Variants in PREX2 observed in about 807,000 individuals in gnomAD.
PREX2 encodes the protein phosphatidylinositol-3,4,5-trisphosphate dependent Rac exchange factor 2, also known as phosphatidylinositol 3,4,5-trisphosphate-dependent Rac exchanger 2 protein.
Under a neutral mutation model 203.2 loss-of-function variants are expected in PREX2, and 107 were observed. The ratio of observed to expected loss-of-function variants is 0.53; its 90% confidence interval spans 0.45 to 0.62. The LOEUF (loss-of-function observed/expected upper bound fraction) is 0.62. Among genes scored for constraint, PREX2 ranks in the 20% least tolerant of loss-of-function variants. PREX2 has a pLI of 0.00. For synonymous variants in PREX2, 672 were observed against 663.6 expected (o/e 1.01, Z -0.19); for missense variants, 1,777 against 1,955.9 (o/e 0.91, Z 1.72).
intron 37 of PREX2, among the ~76,000 whole-genome samples, chr8:68,200,431 A>C (rs1812478261): frequency 6.6e-6 from 1 of 152,050 alleles, no homozygotes; most frequent in African/African-American, 2.4e-5. Flanking sequence ...TAAACATTAA[A>C]ATTTATTCTA....
In PREX2 at chr8:68,083,301, G is replaced by C. The variant is rs1219558321; in HGVS notation, c.1940G>C (p.Arg647Thr). 6.2e-7 allele frequency: 1 copy of C among 1,610,344 alleles called. No individual in the cohort carries two copies. The highest frequency in any genetic ancestry group is 1.7e-5 in the Admixed American group (1 of 59,976). The change falls in exon 18 of 40, where the codon AGA (arginine) becomes ACA (threonine). Residue 647 changes from arginine to threonine, a missense_variant. Physicochemically the swap from Arg to Thr is moderately conservative, Grantham distance 71 (BLOSUM62 -1). Coordinates refer to ENST00000288368, the MANE Select transcript of PREX2 (RefSeq NM_024870.4). ...ATTAATGGTGACCTAGTTTTTATGA[G>C]ACCTTTCAATGAAGTGGATTGCTTC... ...FAINGDLVFM[R>T]PFNEVDCFLK...
At chr8:68,075,709 A>G (rs1408020770) in intron 14 of PREX2, among the ~76,000 whole-genome samples, 2 of 152,230 alleles carry the variant, frequency 1.3e-5, no homozygotes, top group African/African-American at 2.4e-5. Flanking sequence ...TGTAGAAAAA[A>G]TAAGTATCTT....
chr8:68,061,629 A>G (rs1030638346), intron 11 of PREX2, among the ~76,000 whole-genome samples: 1 of 152,124 alleles, frequency 6.6e-6, no homozygotes, highest in African/African-American at 2.4e-5. Flanking sequence ...GAATGAAGAG[A>G]GAGATTAAAG....
At chr8:68,214,268 T>C (rs1812793571) in intron 37 of PREX2, among the ~76,000 whole-genome samples, 1 of 152,044 alleles carries the variant, frequency 6.6e-6, no homozygotes, top group Non-Finnish European at 1.5e-5. Context: ...CATGTGGTGG[T>C]GTATTCCTGT....
intron 34 of PREX2, among the ~76,000 whole-genome samples, chr8:68,150,112 G>A (rs1473704748): frequency 1.3e-5 from 2 of 152,172 alleles, no homozygotes; most frequent in African/African-American, 2.4e-5. Flanking sequence ...CAGCAGCCGG[G>A]CAATGAGCCC....
intron 37 of PREX2, among the ~76,000 whole-genome samples, chr8:68,202,310 A>G (rs1334748908): frequency 6.6e-6 from 1 of 152,140 alleles, no homozygotes; most frequent in Non-Finnish European, 1.5e-5. Context: ...TGGGTGGTCA[A>G]GTGAGAGCGA....
intron 14 of PREX2, 52 bp from the exon 15 acceptor site, chr8:68,077,345 C>T: frequency 1.5e-6 from 2 of 1,315,620 alleles, no homozygotes; most frequent in Non-Finnish European, 2.2e-6. Flanking sequence ...GCAAAGCTGC[C>T]ACAAAGCCTT....
intron 17 of PREX2, among the ~76,000 whole-genome samples, chr8:68,081,465 C>T (rs951966856): frequency 6.6e-6 from 1 of 152,112 alleles, no homozygotes; most frequent in Non-Finnish European, 1.5e-5. Flanking sequence ...CCAAGTGGCT[C>T]ATTCTTTGTC....
At chr8:68,018,007 G>T (rs988610128) in intron 2 of PREX2, 90 bp downstream of exon 2, 1 of 885,088 alleles carries the variant, frequency 1.1e-6, no homozygotes, top group Non-Finnish European at 1.9e-6. Flanking sequence ...CCCTTCAGTT[G>T]ATCGGCAGTT....
chr8:68,192,981 T>G (rs944935960), intron 37 of PREX2, among the ~76,000 whole-genome samples: 6 of 152,150 alleles, frequency 3.9e-5, no homozygotes. Flanking sequence ...CTGGTGAAAT[T>G]ATGGTCCAGG....
At chr8:68,105,288 G>A (rs745764180) in intron 23 of PREX2, 2 of 1,367,628 alleles carry the variant, frequency 1.5e-6, no homozygotes, top group Admixed American at 1.9e-5. Flanking sequence ...AATATCCCAG[G>A]ATGGAAGACA....
rs2129612800 is a variant in PREX2 at position 68,108,288 on chromosome 8, G to A, written c.2895G>A (p.Arg965=). ...CATTTGGTGTTCAGTTGGATAGCAG[G>A]AAGCATAATTCTCATGATAAAGAAA... The part of the protein sequence containing the change: ...GSAFGVQLDS[R]KHNSHDKENK... Residue 965 remains arginine (R), a synonymous_variant, in exon 24 of 40, where the codon AGG becomes AGA. Transcript: ENST00000288368. 6.2e-7 allele frequency: 1 copy of A among 1,613,896 alleles called. No homozygotes were observed. Among genetic ancestry groups the A allele is most frequent in the Non-Finnish European group, 8.5e-7 (1 of 1,179,860 alleles).
chr8:68,188,693 C>A (rs1022711183), intron 35 of PREX2, among the ~76,000 whole-genome samples: 1 of 152,138 alleles, frequency 6.6e-6, no homozygotes, highest in African/African-American at 2.4e-5. Context: ...GGGGAACTCT[C>A]ATATACAAAA....
Position 68,236,763 on chromosome 8 carries a change from T to C in PREX2, c.*5385T>C, listed in dbSNP as rs540348104. On this transcript the variant is annotated 3_prime_UTR_variant, in exon 40 of 40. Coordinates refer to ENST00000288368, the MANE Select transcript of PREX2 (RefSeq NM_024870.4). ...TCAAATTGGTTCTATAAATAGTAAT[T>C]GTTTTGAATATATCCATACTTAACA... 1 of 152,266 alleles carries C rather than the reference T, an allele frequency of 6.6e-6. No individual in the cohort carries two copies. Among genetic ancestry groups the C allele is most frequent in the Admixed American group, 6.5e-5 (1 of 15,280 alleles). 9.4% of individuals were successfully genotyped at this position (152,266 alleles called of 1,614,324 possible). A position where few individuals can be genotyped will look rare whatever the true frequency, so the allele number is the denominator to read the frequency against.
intron 11 of PREX2, among the ~76,000 whole-genome samples, chr8:68,064,080 C>G (rs1383753895): frequency 2.6e-5 from 4 of 152,128 alleles, no homozygotes; most frequent in Non-Finnish European, 5.9e-5. Flanking sequence ...CGTTGAGGAA[C>G]TCTAGGTTGA....
chr8:68,077,547 G>T, intron 15 of PREX2, 78 bp downstream of exon 15: 1 of 1,052,794 alleles, frequency 9.5e-7, no homozygotes, highest in Admixed American at 1.7e-5. Context: ...ACCCAGTGCT[G>T]CAGTGAGGTC....
intron 35 of PREX2, among the ~76,000 whole-genome samples, chr8:68,169,788 A>T (rs1315412139): frequency 6.6e-6 from 1 of 152,138 alleles, no homozygotes; most frequent in Non-Finnish European, 1.5e-5. Context: ...TTGGTGTCAG[A>T]TATTATCAGT....
chr8:68,012,844 T>A (rs1338012023), intron 1 of PREX2, among the ~76,000 whole-genome samples: 4 of 152,192 alleles, frequency 2.6e-5, no homozygotes, highest in Admixed American at 6.5e-5. Context: ...CACCGGACAG[T>A]CCTTCACTAC....
chr8:68,069,608 G>T lies in PREX2; in HGVS notation c.1444-227G>T, dbSNP rs1002858592. Among the ~76,000 whole-genome samples the T allele has an allele frequency of 1.1e-3, 87 of 80,130 alleles. 1 individual carries two copies. Among genetic ancestry groups the T allele is most frequent in the African/African-American group, 3.7e-3 (84 of 22,622 alleles). 52.6% of individuals were successfully genotyped at this position (80,130 alleles called of 152,430 possible). A position where few individuals can be genotyped will look rare whatever the true frequency, so the allele number is the denominator to read the frequency against. ...AATTTAGAAAAATCTTTGTATGTGT[G>T]TATGTCATATATGAGGAATTTATAG... is the stretch of plus-strand genomic sequence containing the variant. On this transcript the variant is annotated intron_variant, in intron 12 of 39. Transcript: ENST00000288368.
Sources: allele counts gnomAD v4.1 joint callset (sites outside exome capture counted in the v4.1 genomes callset), GRCh38; gene constraint gnomAD v4.1.1; transcripts MANE v1.5; gene names NCBI Gene and HGNC (gene_info 2026-07-23, HGNC 2026-07-21).